The following ZBTB4 variants were observed in gnomAD, a reference collection of about 807,000 sequenced individuals.
The protein encoded by ZBTB4 is zinc finger and BTB domain-containing protein 4.
Under a neutral mutation model 59.8 loss-of-function variants are expected in ZBTB4, and 14 were observed. That is an observed-to-expected ratio of 0.23 (90% CI 0.15 to 0.37). The LOEUF (loss-of-function observed/expected upper bound fraction) is 0.37, where lower values mean the gene tolerates loss of function less well. Among genes scored for constraint, ZBTB4 ranks in the 10% least tolerant of loss-of-function variants. ZBTB4 has a pLI of 1.00. For synonymous variants in ZBTB4, 587 were observed against 575.2 expected (o/e 1.02, Z -0.29); for missense variants, 1,198 against 1,380.8 (o/e 0.87, Z 2.10).
upstream of ZBTB4, chr17:7,481,563 C>T: frequency 7.1e-7 from 1 of 1,409,526 alleles, no homozygotes; most frequent in Non-Finnish European, 9.5e-7. Flanking sequence ...CCCTATAGCT[C>T]CTGGTTGCTC....
chr17:7,473,651 A>G (rs2070230440), intron 1 of ZBTB4, among the ~76,000 whole-genome samples: 1 of 151,320 alleles, frequency 6.6e-6, no homozygotes, highest in Admixed American at 6.6e-5. Context: ...GGCTCAAATG[A>G]TCCTCTCACC....
intron 1 of ZBTB4, among the ~76,000 whole-genome samples, chr17:7,471,406 T>C (rs551770285): frequency 1.8e-4 from 27 of 152,296 alleles, no homozygotes; most frequent in African/African-American, 6.0e-4. Context: ...AGGCTTGAAA[T>C]ACTTATGATG....
At chr17:7,467,831 C>T (rs1053755334) in intron 1 of ZBTB4, among the ~76,000 whole-genome samples, 1 of 152,218 alleles carries the variant, frequency 6.6e-6, no homozygotes, top group South Asian at 2.1e-4. Context: ...AGGACATCCT[C>T]ACATCCTTCC....
chr17:7,479,385 G>C (rs2150867933), intron 1 of ZBTB4, 71 bp downstream of exon 1: 1 of 153,130 alleles, frequency 6.5e-6, no homozygotes, highest in Non-Finnish European at 1.5e-5. Flanking sequence ...CGCAGCGCCG[G>C]GCAGCGGAGA....
chr17:7,460,193 C>T lies in ZBTB4; in HGVS notation c.*1747G>A, dbSNP rs867721165. ...AACTTGGTACATTCAGTAGGAAATT[C>T]GTCACTCAGGCTGTGGCCAAGACCA... is the stretch of plus-strand genomic sequence containing the variant. On this transcript the variant is annotated 3_prime_UTR_variant, in exon 4 of 4. Coordinates refer to ENST00000380599, the MANE Select transcript of ZBTB4 (RefSeq NM_001128833.2). 1.1e-4 allele frequency: 17 copies of T among 152,374 alleles called. No individual in the cohort carries two copies. Among genetic ancestry groups the T allele is most frequent in the African/African-American group, 3.9e-4 (16 of 41,426 alleles). 9.4% of individuals were successfully genotyped at this position (152,374 alleles called of 1,614,324 possible).
chr17:7,480,064 G>C (rs1475841845), upstream of ZBTB4, among the ~76,000 whole-genome samples: 1 of 151,804 alleles, frequency 6.6e-6, no homozygotes, highest in Non-Finnish European at 1.5e-5. Context: ...GGCCAGCCCT[G>C]GACACACACA....
chr17:7,461,932 C>G lies in ZBTB4; in HGVS notation c.*8G>C, dbSNP rs373429072. 1.3e-6 allele frequency: 2 copies of G among 1,527,170 alleles called. No individual in the cohort carries two copies. The highest frequency in any genetic ancestry group is 8.8e-7 in the Non-Finnish European group (1 of 1,136,048). The allele number at this position is 1,527,170 out of a possible 1,614,324, so 94.6% of individuals were successfully genotyped here. A position where few individuals can be genotyped will look rare whatever the true frequency, so the allele number is the denominator to read the frequency against. On this transcript the variant is annotated 3_prime_UTR_variant, in exon 4 of 4. Coordinates refer to ENST00000380599, the MANE Select transcript of ZBTB4 (RefSeq NM_001128833.2). Reference sequence around the variant, plus strand: ...GCATCTGGTGAAAGGGGGATTGAGCCCCAGGGTTCACCCCACATCGCCCTT... The same window carrying G: ...GCATCTGGTGAAAGGGGGATTGAGCGCCAGGGTTCACCCCACATCGCCCTT...
chr17:7,469,276 C>G (rs1298025138), intron 1 of ZBTB4, among the ~76,000 whole-genome samples: 3 of 152,178 alleles, frequency 2.0e-5, no homozygotes, highest in African/African-American at 7.2e-5. Flanking sequence ...AAGCGATTCT[C>G]CAGCCTCAGC....
At chr17:7,482,225 C>T (rs554325164), upstream of ZBTB4, 8 of 1,614,036 alleles carry the variant, frequency 5.0e-6, no homozygotes, top group South Asian at 8.8e-5. Context: ...CCTCTTCCAC[C>T]TCCCTATTGC....
chr17:7,470,337 G>A (rs1391802303), intron 1 of ZBTB4, among the ~76,000 whole-genome samples: 1 of 151,998 alleles, frequency 6.6e-6, no homozygotes, highest in East Asian at 1.9e-4. Context: ...GTTCAAGGCT[G>A]CAGTGAGTTA....
Position 7,463,224 on chromosome 17 carries a change from T to G in ZBTB4, c.1758A>C (p.Thr586=). The G allele has an allele frequency of 3.1e-6, 5 of 1,610,574 alleles. No homozygotes were observed. The highest frequency in any genetic ancestry group is 4.2e-6 in the Non-Finnish European group (5 of 1,179,292). The change falls in exon 4 of 4, where the codon ACA becomes ACC. Residue 586 remains threonine, a synonymous_variant. Transcript: ENST00000380599. ...GCTGAGAGGGGCCCCGGCCAGCCCCTGTGGGGGGACCCCCACCTCCACCAA... is the reference window on the plus strand; with the variant it reads ...GCTGAGAGGGGCCCCGGCCAGCCCCGGTGGGGGGACCCCCACCTCCACCAA... ...GGIGGGGGPP[T]GAGRGPSQLQ... is the part of the protein sequence containing the mutation.
intron 1 of ZBTB4, among the ~76,000 whole-genome samples, chr17:7,479,134 G>GT (rs899355368): frequency 6.6e-4 from 100 of 152,244 alleles, no homozygotes; most frequent in African/African-American, 2.3e-3. Context: ...CCCACGGGGG[G>GT]AGGGGGCCAT....
In ZBTB4 at chr17:7,462,336, G is replaced by A. The variant is rs532713730; in HGVS notation, c.2646C>T (p.Gly882=). The change falls in exon 4 of 4, where the codon GGC becomes GGT. Residue 882 remains glycine (G), a synonymous_variant. Transcript: ENST00000380599. The surrounding 1 kb of genome is among the most constrained non-coding windows in gnomAD (Gnocchi z 7.5). ...VQEFPLALIG[G]GREPGGGRGK... ...CCCTGCCACCGCCAGGTTCCCGGCC[G>A]CCCCCAATCAAGGCCAGTGGAAATT... The A allele has an allele frequency of 1.7e-5, 28 of 1,613,740 alleles. No individual in the cohort carries two copies. The highest frequency in any genetic ancestry group is 9.9e-5 in the South Asian group (9 of 91,064).
At chr17:7,469,358 G>A (rs920354217) in intron 1 of ZBTB4, among the ~76,000 whole-genome samples, 1 of 151,920 alleles carries the variant, frequency 6.6e-6, no homozygotes, top group Admixed American at 6.5e-5. Context: ...AGTAGAGACA[G>A]GGTTTCACCG....
In ZBTB4 at chr17:7,461,746, C is replaced by T. The variant is rs918683543; in HGVS notation, c.*194G>A. The stretch of plus-strand genomic sequence containing the variant: ...TGGAGGAAGACTGAGAGGGGAACCT[C>T]GAAAGATCCCTTCCCAGGAGATGGG... On this transcript the variant is annotated 3_prime_UTR_variant, in exon 4 of 4. Transcript: ENST00000380599. 6.3e-6 allele frequency: 3 copies of T among 474,434 alleles called. No homozygotes were observed. Among genetic ancestry groups the T allele is most frequent in the South Asian group, 4.8e-5 (1 of 20,640 alleles). The allele number at this position is 474,434 out of a possible 1,614,324, so 29.4% of individuals were successfully genotyped here. A position where few individuals can be genotyped will look rare whatever the true frequency, so the allele number is the denominator to read the frequency against.
At position 7,463,560 on chromosome 17, in the gene ZBTB4, A is replaced by C; in HGVS notation, c.1422T>G (p.Phe474Leu). 6.3e-7 allele frequency: 1 copy of C among 1,591,030 alleles called. No individual in the cohort carries two copies. The highest frequency in any genetic ancestry group is 8.6e-7 in the Non-Finnish European group (1 of 1,169,380). Residue 474 changes from phenylalanine to leucine, a missense_variant, in exon 4 of 4, where the codon TTT (phenylalanine) becomes TTG (leucine). Coordinates refer to ENST00000380599, the MANE Select transcript of ZBTB4 (RefSeq NM_001128833.2). The stretch of plus-strand genomic sequence containing the variant: ...CAATGACAGAGGGGGCTGGGTGGGC[A>C]AAAGTGATGACAGAGGGTGGAGGGC... ...EPGPPPSVIT[F>L]AHPAPSVIVH...
Position 7,461,768 on chromosome 17 carries a change from T to C in ZBTB4, c.*172A>G, listed in dbSNP as rs2070023460. 1 of 523,320 alleles carries C rather than the reference T, an allele frequency of 1.9e-6. No individual in the cohort carries two copies. Among genetic ancestry groups the C allele is most frequent in the Non-Finnish European group, 3.4e-6 (1 of 298,164 alleles). The allele number at this position is 523,320 out of a possible 1,614,324, so 32.4% of individuals were successfully genotyped here. ...CCTCGAAAGATCCCTTCCCAGGAGA[T>C]GGGAAAACTACATCTCACACAAAGC... On this transcript the variant is annotated 3_prime_UTR_variant, in exon 4 of 4. Transcript: ENST00000380599.
chr17:7,475,206 T>A (rs2070253394), intron 1 of ZBTB4, among the ~76,000 whole-genome samples: 1 of 151,120 alleles, frequency 6.6e-6, no homozygotes, highest in Non-Finnish European at 1.5e-5. Flanking sequence ...CTGGGCGTAG[T>A]GGCGGGCGCC....
rs757352908 is a variant in ZBTB4, at chr17:7,463,093, C to G, written c.1889G>C (p.Gly630Ala). The change falls in exon 4 of 4, where the codon GGA becomes GCA. Residue 630 changes from glycine (G) to alanine (A), a missense_variant. Coordinates refer to ENST00000380599, the MANE Select transcript of ZBTB4 (RefSeq NM_001128833.2). ...CTCCTCACTCTCCTCCATCTCCTCT[C>G]CGCTCAGCTCCCCAGGACGCAGGTC... ...ETDLRPGELS[G>A]EEMEESEEDE... The G allele has an allele frequency of 7.5e-6, 12 of 1,610,640 alleles. No homozygotes were observed. Among genetic ancestry groups the G allele is most frequent in the Middle Eastern group, 3.3e-4 (2 of 6,060 alleles).
Sources: allele counts gnomAD v4.1 joint callset (sites outside exome capture counted in the v4.1 genomes callset), GRCh38; gene constraint gnomAD v4.1.1; non-coding constraint Gnocchi (gnomAD v3.1); transcripts MANE v1.5; gene names NCBI Gene and HGNC (gene_info 2026-07-23, HGNC 2026-07-21).